Variants in CHD7 observed in about 807,000 individuals in gnomAD.
CHD7 encodes the protein chromodomain helicase DNA binding protein 7.
CHD7 carries 24 observed loss-of-function variants against 307.3 expected under a neutral mutation model. The observed-to-expected ratio is 0.08, with a 90% CI of 0.06 to 0.11. The LOEUF (loss-of-function observed/expected upper bound fraction) is 0.11. CHD7 is among the 10% of genes least tolerant of loss of function. CHD7 has a pLI of 1.00. For synonymous variants in CHD7, 1,363 were observed against 1,349.9 expected (o/e 1.01, Z -0.21); for missense variants, 3,106 against 3,727.1 (o/e 0.83, Z 4.34).
At chr8:60,771,874 G>T (rs1358631462) in intron 2 of CHD7, among the ~76,000 whole-genome samples, 2 of 152,160 alleles carry the variant, frequency 1.3e-5, no homozygotes, top group East Asian at 3.8e-4. Flanking sequence ...CTCAAGAAGG[G>T]TCCCCACCCT....
intron 2 of CHD7, among the ~76,000 whole-genome samples, chr8:60,750,707 G>C (rs1483209): frequency 0.14 from 21,969 of 152,174 alleles, 2,045 homozygotes; most frequent in East Asian, 0.27. Flanking sequence ...CACAGATTGC[G>C]TGAGCTGCAT....
chr8:60,861,275 ATCT>A (rs144569260), intron 35 of CHD7, 150 bp downstream of exon 35: 47 of 617,428 alleles, frequency 7.6e-5, no homozygotes, highest in Non-Finnish European at 1.1e-4. Context: ...TTGTTGTTGA[ATCT>A]TCTTCATTAC....
chr8:60,843,933 G>A (rs1322819360), intron 21 of CHD7, among the ~76,000 whole-genome samples: 2 of 152,226 alleles, frequency 1.3e-5, no homozygotes, highest in Non-Finnish European at 1.5e-5. Flanking sequence ...GGACCAGGGA[G>A]TGACAAGAGA....
chr8:60,703,466 GA>G (rs907351199), intron 1 of CHD7, among the ~76,000 whole-genome samples: 5 of 152,082 alleles, frequency 3.3e-5, no homozygotes, highest in African/African-American at 1.2e-4. Context: ...AATGAGAGAA[GA>G]AAACAAAACA....
At chr8:60,774,986 G>T (rs562988258) in intron 2 of CHD7, among the ~76,000 whole-genome samples, 1 of 151,876 alleles carries the variant, frequency 6.6e-6, no homozygotes, top group Admixed American at 6.6e-5. Context: ...ATGACTGCTT[G>T]GTTCATTATT....
At position 60,800,450 on chromosome 8, in the gene CHD7, T is replaced by C. The variant is rs1812249144; in HGVS notation, c.2301T>C (p.Ile767=). 1 of 1,613,790 alleles carries C rather than the reference T, an allele frequency of 6.2e-7. No homozygotes were observed. Among genetic ancestry groups the C allele is most frequent in the Non-Finnish European group, 8.5e-7 (1 of 1,179,842 alleles). The part of the protein sequence containing the change: ...KRYTEDLEFK[I]SDEEADDADA... ...ACACTGAAGACCTGGAGTTCAAGAT[T>C]TCTGATGAGGAGGCAGATGATGCAG... The change falls in exon 5 of 38, where the codon ATT becomes ATC. Residue 767 remains isoleucine (I), a synonymous_variant. Coordinates refer to ENST00000423902, the MANE Select transcript of CHD7 (RefSeq NM_017780.4).
chr8:60,734,344 G>T (rs955317085), intron 1 of CHD7, among the ~76,000 whole-genome samples: 9 of 152,308 alleles, frequency 5.9e-5, no homozygotes, highest in Non-Finnish European at 1.0e-4. Context: ...GCTCCCGGGG[G>T]TGCCAGGGGT....
At chr8:60,802,627 C>T (rs1397477189) in intron 6 of CHD7, among the ~76,000 whole-genome samples, 4 of 152,204 alleles carry the variant, frequency 2.6e-5, no homozygotes, top group Non-Finnish European at 5.9e-5. Context: ...GCTGGGATTA[C>T]AGGTGTGAGC....
intron 2 of CHD7, among the ~76,000 whole-genome samples, chr8:60,750,416 T>G (rs1400110675): frequency 6.6e-6 from 1 of 152,232 alleles, no homozygotes; most frequent in Non-Finnish European, 1.5e-5. Context: ...AAGGGAATTT[T>G]GTTATTTAAG....
At chr8:60,853,793 T>A (rs1319456901) in intron 31 of CHD7, among the ~76,000 whole-genome samples, 1 of 152,230 alleles carries the variant, frequency 6.6e-6, no homozygotes, top group Non-Finnish European at 1.5e-5. Flanking sequence ...TATTAAGAAT[T>A]CTATGTGATT....
intron 23 of CHD7, among the ~76,000 whole-genome samples, chr8:60,846,434 C>T (rs1020500450): frequency 2.0e-5 from 3 of 152,162 alleles, no homozygotes; most frequent in Admixed American, 6.5e-5. Flanking sequence ...GTTAACAGTT[C>T]CTATTAAACT....
At chr8:60,762,734 G>C (rs971497198) in intron 2 of CHD7, among the ~76,000 whole-genome samples, 2 of 152,182 alleles carry the variant, frequency 1.3e-5, no homozygotes, top group African/African-American at 4.8e-5. Context: ...GTTGAGTGAG[G>C]TCAGGGTTCC....
At chr8:60,756,068 G>T (rs1443779578) in intron 2 of CHD7, among the ~76,000 whole-genome samples, 3 of 152,154 alleles carry the variant, frequency 2.0e-5, no homozygotes, top group Admixed American at 2.0e-4. Flanking sequence ...AATTTTATTT[G>T]ATTTTAATTT....
At chr8:60,721,512 T>G (rs1277734086) in intron 1 of CHD7, among the ~76,000 whole-genome samples, 1 of 152,230 alleles carries the variant, frequency 6.6e-6, no homozygotes, top group Non-Finnish European at 1.5e-5. Flanking sequence ...AGACTGAGAT[T>G]GTTGGAGAAC....
chr8:60,803,075 C>G (rs780559056), intron 6 of CHD7, among the ~76,000 whole-genome samples: 14 of 152,146 alleles, frequency 9.2e-5, no homozygotes, highest in Non-Finnish European at 2.1e-4. Context: ...AGGAAACAAG[C>G]ACTATTTAAC....
intron 2 of CHD7, among the ~76,000 whole-genome samples, chr8:60,764,147 C>T (rs1269821053): frequency 6.6e-6 from 1 of 152,020 alleles, no homozygotes; most frequent in Non-Finnish European, 1.5e-5. Flanking sequence ...GCCACCACGC[C>T]CAGATAATTT....
chr8:60,752,663 G>A (rs1346588083), intron 2 of CHD7, among the ~76,000 whole-genome samples: 1 of 152,178 alleles, frequency 6.6e-6, no homozygotes, highest in African/African-American at 2.4e-5. Flanking sequence ...TGACATTAAA[G>A]TTTGATTTTT....
At position 60,848,581 on chromosome 8, in the gene CHD7, G is replaced by C; in HGVS notation, c.5277G>C (p.Lys1759Asn). The C allele has an allele frequency of 1.2e-6, 2 of 1,613,538 alleles. No individual in the cohort carries two copies. The highest frequency in any genetic ancestry group is 1.7e-6 in the Non-Finnish European group (2 of 1,179,684). The change falls in exon 24 of 38, where the codon AAG (lysine) becomes AAC (asparagine). Residue 1759 changes from lysine to asparagine, a missense_variant. This residue lies in a region of CHD7 where 1,030 missense variants were observed against 1,165.4 expected (regional missense o/e 0.88). Transcript: ENST00000423902. The stretch of plus-strand genomic sequence containing the variant: ...AAGTGATAGGAGACCAGGCGGATAA[G>C]ATCTTAGAGGGTGCTGACTCAAGGT... ...RQEVIGDQADKILEGADSSEA... is the reference protein window; with the variant it reads ...RQEVIGDQADNILEGADSSEA...
At chr8:60,806,518 A>G (rs1439601822) in intron 6 of CHD7, among the ~76,000 whole-genome samples, 2 of 152,158 alleles carry the variant, frequency 1.3e-5, no homozygotes, top group South Asian at 2.1e-4. Context: ...TCCAACAAAC[A>G]TTTCTTTTTA....
Sources: allele counts gnomAD v4.1 joint callset (sites outside exome capture counted in the v4.1 genomes callset), GRCh38; gene constraint gnomAD v4.1.1; regional missense constraint gnomAD v4.1.1; transcripts MANE v1.5; gene names NCBI Gene and HGNC (gene_info 2026-07-23, HGNC 2026-07-21).